Variants in COTL1 observed in about 807,000 individuals in gnomAD.
COTL1 encodes the protein coactosin-like protein.
COTL1 carries 15 observed loss-of-function variants against 16.5 expected under a neutral mutation model. The ratio of observed to expected loss-of-function variants is 0.91; its 90% CI spans 0.61 to 1.40. The LOEUF (loss-of-function observed/expected upper bound fraction) is 1.40. Among genes scored for constraint, COTL1 ranks in the 40% most tolerant of loss-of-function variants. The probability of loss-of-function intolerance (pLI) is 0.00; values close to 1 mark genes in which losing one functional copy is unlikely to be tolerated. For missense variants in COTL1, 220 were observed against 201.5 expected (o/e 1.09, Z -0.56); for synonymous variants, 112 against 85.3 (o/e 1.31, Z -1.73).
At chr16:84,596,417 G>A (rs1263147684) in intron 2 of COTL1, 2 of 152,226 alleles carry the variant, frequency 1.3e-5, no homozygotes. Flanking sequence ...TCATAAAGTG[G>A]TTGGGAGGAT....
At chr16:84,583,921 C>T (rs1036306424) in intron 3 of COTL1, among the ~76,000 whole-genome samples, 3 of 152,080 alleles carry the variant, frequency 2.0e-5, no homozygotes, top group African/African-American at 4.8e-5. Context: ...TTCCTGGCTC[C>T]GTGAACGTTC....
At chr16:84,586,973 C>T (rs568858474) in intron 3 of COTL1, among the ~76,000 whole-genome samples, 4 of 152,272 alleles carry the variant, frequency 2.6e-5, no homozygotes, top group African/African-American at 9.6e-5. Context: ...CACATCCTGG[C>T]GAGCCCCCTC....
At chr16:84,579,640 C>A (rs999670029) in intron 3 of COTL1, among the ~76,000 whole-genome samples, 1 of 152,216 alleles carries the variant, frequency 6.6e-6, no homozygotes, top group African/African-American at 2.4e-5. Context: ...GATCACTTAG[C>A]TCCTGCATTT....
intron 2 of COTL1, among the ~76,000 whole-genome samples, chr16:84,594,184 A>G (rs1209388902): frequency 6.7e-6 from 1 of 149,368 alleles, no homozygotes; most frequent in Non-Finnish European, 1.5e-5. Context: ...CAGTTGATAG[A>G]CATTTGGGAT....
chr16:84,617,710 C>T, intron 1 of COTL1, 127 bp from the exon 2 acceptor site: 2 of 1,373,330 alleles, frequency 1.5e-6, no homozygotes, highest in Non-Finnish European at 2.0e-6. Flanking sequence ...CCTGGCACGC[C>T]GTCCCGGAAT....
Position 84,590,578 on chromosome 16 carries a change from G to A in COTL1, c.161-316C>T, listed in dbSNP as rs1904838684. ...AGGTCATGCTGGGATTTAAACCCAG[G>A]CCTTTCTGGCTGCAACGCCTACAGC... On this transcript the variant is annotated intron_variant, in intron 2 of 3. Coordinates refer to ENST00000262428, the MANE Select transcript of COTL1 (RefSeq NM_021149.5). This position sits in a 1 kb window ranked among gnomAD's most constrained non-coding sequence, Gnocchi z 5.5. 1 of 213,870 alleles carries A rather than the reference G, an allele frequency of 4.7e-6. No homozygotes were observed. The allele number at this position is 213,870 out of a possible 1,614,324, so 13.2% of individuals were successfully genotyped here. A position where few individuals can be genotyped will look rare whatever the true frequency, so the allele number is the denominator to read the frequency against.
At position 84,566,596 on chromosome 16, in the gene COTL1, C is replaced by A; in HGVS notation, c.*249G>T. ...GCATCAAAATGACTTTTCTTTAGAACAAAAAAGAGGGGGAGAAAAGAAAAA... is the reference window on the plus strand; with the variant it reads ...GCATCAAAATGACTTTTCTTTAGAAAAAAAAAGAGGGGGAGAAAAGAAAAA... On this transcript the variant is annotated 3_prime_UTR_variant, in exon 4 of 4. Transcript: ENST00000262428. 1 of 453,610 alleles carries A rather than the reference C, an allele frequency of 2.2e-6. No homozygotes were observed. Among genetic ancestry groups the A allele is most frequent in the East Asian group, 3.8e-5 (1 of 26,160 alleles). The allele number at this position is 453,610 out of a possible 1,614,324, so 28.1% of individuals were successfully genotyped here.
intron 2 of COTL1, chr16:84,596,627 C>G (rs1905011458): frequency 6.6e-6 from 1 of 152,332 alleles, no homozygotes; most frequent in African/African-American, 2.4e-5. Context: ...CCTCTCCCTT[C>G]CCACGGCACC....
intron 2 of COTL1, among the ~76,000 whole-genome samples, chr16:84,604,924 G>C (rs957514495): frequency 6.6e-6 from 1 of 152,246 alleles, no homozygotes; most frequent in African/African-American, 2.4e-5. Flanking sequence ...AAGTGCTTCC[G>C]GGTCAGAGCA....
At chr16:84,581,888 T>G (rs1904602410) in intron 3 of COTL1, among the ~76,000 whole-genome samples, 1 of 152,074 alleles carries the variant, frequency 6.6e-6, no homozygotes, top group Non-Finnish European at 1.5e-5. Context: ...GCTTCCACAA[T>G]TTAATTTAAT....
intron 2 of COTL1, among the ~76,000 whole-genome samples, chr16:84,597,713 C>CAAGGACAGAAA (rs1293234726): frequency 1.3e-5 from 2 of 152,196 alleles, no homozygotes; most frequent in Admixed American, 6.5e-5. Context: ...CTGAAGTGCT[C>CAAGGACAGAAA]AGAGTTCAGC....
intron 2 of COTL1, among the ~76,000 whole-genome samples, chr16:84,601,085 C>T (rs572939066): frequency 1.2e-4 from 18 of 152,238 alleles, no homozygotes; most frequent in South Asian, 2.1e-4. Context: ...TATAAGGAGA[C>T]GCTGCGCCAC....
chr16:84,595,282 T>C (rs1366597158), intron 2 of COTL1: 2 of 152,240 alleles, frequency 1.3e-5, no homozygotes, highest in African/African-American at 4.8e-5. Context: ...GTCAACAAGA[T>C]TGCTGACAGG....
intron 3 of COTL1, among the ~76,000 whole-genome samples, chr16:84,580,127 G>T (rs1172749240): frequency 6.6e-6 from 1 of 152,228 alleles, no homozygotes; most frequent in African/African-American, 2.4e-5. Context: ...GGAGTTTGGT[G>T]GAGGGCAGCC....
intron 3 of COTL1, chr16:84,568,842 A>G (rs1904309751): frequency 6.6e-6 from 1 of 152,218 alleles, no homozygotes; most frequent in African/African-American, 2.4e-5. Flanking sequence ...AAAGGTGAGG[A>G]AACAAAGGCT....
At chr16:84,610,180 C>T (rs749204601) in intron 2 of COTL1, among the ~76,000 whole-genome samples, 2 of 152,170 alleles carry the variant, frequency 1.3e-5, no homozygotes, top group African/African-American at 2.4e-5. Flanking sequence ...ATTCCTTGTC[C>T]AGCCTGGATT....
chr16:84,579,605 C>G (rs11648474), intron 3 of COTL1, among the ~76,000 whole-genome samples: 34,308 of 152,262 alleles, frequency 0.23, 4,120 homozygotes, highest in Non-Finnish European at 0.28. Flanking sequence ...GCAGACCCCT[C>G]TGTGTGAGGT....
chr16:84,570,704 C>T (rs1420024896), intron 3 of COTL1, among the ~76,000 whole-genome samples: 1 of 152,148 alleles, frequency 6.6e-6, no homozygotes, highest in Non-Finnish European at 1.5e-5. Flanking sequence ...CCTCTCTGCT[C>T]GGTAGAAAAT....
At chr16:84,598,006 T>C (rs967802710) in intron 2 of COTL1, among the ~76,000 whole-genome samples, 1 of 152,172 alleles carries the variant, frequency 6.6e-6, no homozygotes, top group Non-Finnish European at 1.5e-5. Flanking sequence ...ATGCATATCA[T>C]AGCATCACAC....
Sources: gnomAD v4.1 joint callset for allele counts (sites outside exome capture counted in the v4.1 genomes callset) on GRCh38, gnomAD v4.1.1 for gene constraint, Gnocchi (gnomAD v3.1) non-coding constraint, MANE v1.5 for transcripts, NCBI Gene and HGNC (gene_info 2026-07-23, HGNC 2026-07-21) for gene names.